Variants in ABCA9 observed in about 807,000 individuals in gnomAD.
ABCA9 encodes ATP-binding cassette sub-family A member 9.
Under a neutral mutation model 205.3 loss-of-function variants are expected in ABCA9, and 183 were observed. That is an observed-to-expected ratio of 0.89 (90% CI 0.79 to 1.01). The LOEUF (loss-of-function observed/expected upper bound fraction) is 1.01. Among genes scored for constraint, ABCA9 ranks in the 50% least tolerant of loss-of-function variants. The probability of loss-of-function intolerance (pLI) is 0.00; values close to 1 mark genes in which losing one functional copy is unlikely to be tolerated. For missense variants in ABCA9, 1,805 were observed against 1,912.4 expected (o/e 0.94, Z 1.05); for synonymous variants, 651 against 683.3 (o/e 0.95, Z 0.74).
intron 32 of ABCA9, 122 bp from the exon 33 acceptor site, chr17:68,985,250 A>G: frequency 8.1e-7 from 1 of 1,231,054 alleles, no homozygotes; most frequent in Non-Finnish European, 1.2e-6. Flanking sequence ...GTGGTCATAA[A>G]ATTTAAACCA....
chr17:69,035,437 A>C lies in ABCA9; in HGVS notation c.943-6T>G, dbSNP rs753835396. 2 of 1,562,566 alleles carry C rather than the reference A, an allele frequency of 1.3e-6. No individual in the cohort carries two copies. Among genetic ancestry groups the C allele is most frequent in the Non-Finnish European group, 1.7e-6 (2 of 1,160,348 alleles). On this transcript the variant is annotated splice_polypyrimidine_tract_variant and splice_region_variant and intron_variant, in intron 7 of 38. Transcript: ENST00000340001. Reference sequence around the variant, plus strand: ...ATCAGGAAAGCTAAAGTTATCTGAGAAAAGAGAAAGACTTCAGCTGGTATA... The same window carrying C: ...ATCAGGAAAGCTAAAGTTATCTGAGCAAAGAGAAAGACTTCAGCTGGTATA...
intron 34 of ABCA9, among the ~76,000 whole-genome samples, chr17:68,984,466 G>T (rs1232782521): frequency 6.6e-6 from 1 of 152,154 alleles, no homozygotes; most frequent in Non-Finnish European, 1.5e-5. Context: ...TTACTAAAAA[G>T]CTTGATAATC....
intron 1 of ABCA9, among the ~76,000 whole-genome samples, chr17:69,058,787 C>T (rs1415557714): frequency 1.3e-5 from 2 of 150,796 alleles, no homozygotes; most frequent in African/African-American, 2.4e-5. Flanking sequence ...TGCAGTGAGC[C>T]GAGATTCCGC....
At chr17:69,024,180 C>A in intron 17 of ABCA9, 34 bp downstream of exon 17, 1 of 1,608,280 alleles carries the variant, frequency 6.2e-7, no homozygotes, top group South Asian at 1.1e-5. Flanking sequence ...TAACACCATT[C>A]CAAAACCATT....
chr17:69,011,679 T>C (rs933404147), intron 23 of ABCA9: 7 of 231,378 alleles, frequency 3.0e-5, no homozygotes, highest in African/African-American at 1.4e-4. Flanking sequence ...CATTGAGAGA[T>C]GAGATGTGAT....
At chr17:69,017,608 A>C in intron 21 of ABCA9, 48 bp downstream of exon 21, 1 of 1,601,702 alleles carries the variant, frequency 6.2e-7, no homozygotes, top group Non-Finnish European at 8.5e-7. Flanking sequence ...CAAATTGTAC[A>C]CCCATAGTCC....
chr17:68,977,015 C>T (rs1463332931), intron 37 of ABCA9, among the ~76,000 whole-genome samples: 2 of 146,338 alleles, frequency 1.4e-5, no homozygotes, highest in Admixed American at 1.4e-4. Context: ...GGACTAGTCC[C>T]TATCTTATAT....
chr17:69,071,813 G>A, the ABCA9 span, among the ~76,000 whole-genome samples: 1 of 152,172 alleles, frequency 6.6e-6, no homozygotes, highest in East Asian at 1.9e-4. Flanking sequence ...AAAGGAGCAT[G>A]TTCTAACCTA....
At chr17:69,073,115 C>T in the ABCA9 span, among the ~76,000 whole-genome samples, 1 of 152,112 alleles carries the variant, frequency 6.6e-6, no homozygotes, top group Non-Finnish European at 1.5e-5. Flanking sequence ...TCTTAGAGAC[C>T]TACAAAGAGA....
rs930921576 is a variant in ABCA9 at position 69,027,678 on chromosome 17, T to C, written c.1753A>G (p.Lys585Glu). The change falls in exon 13 of 39, where the codon AAA (lysine) becomes GAA (glutamate). Residue 585 changes from lysine to glutamate, a missense_variant. Transcript: ENST00000340001. ...TCATGTGGCAAAATCCCTTTTATTT[T>C]AGCAAACAGCCTGAGGTTTTCTTTC... is the stretch of plus-strand genomic sequence containing the variant. ...TVKENLRLFA[K>E]IKGILPHEVE... The C allele has an allele frequency of 6.2e-7, 1 of 1,613,634 alleles. No individual in the cohort carries two copies. Among genetic ancestry groups the C allele is most frequent in the Non-Finnish European group, 8.5e-7 (1 of 1,179,920 alleles).
intron 22 of ABCA9, among the ~76,000 whole-genome samples, chr17:69,014,130 C>A (rs1365184482): frequency 6.6e-6 from 1 of 152,204 alleles, no homozygotes; most frequent in East Asian, 1.9e-4. Context: ...CTACAGTTTC[C>A]TCAGCTGTCT....
intron 12 of ABCA9, 22 bp from the exon 13 acceptor site, chr17:69,027,837 T>G: frequency 6.4e-7 from 1 of 1,553,760 alleles, no homozygotes; most frequent in Non-Finnish European, 8.7e-7. Flanking sequence ...AGGCAGAGAG[T>G]GACCATCAGG....
At position 69,016,357 on chromosome 17, in the gene ABCA9, GT is replaced by G; in HGVS notation, c.2934del (p.Lys978AsnfsTer3). 6 of 1,601,038 alleles carry G rather than the reference GT, an allele frequency of 3.7e-6. No individual in the cohort carries two copies. Among genetic ancestry groups the G allele is most frequent in the Non-Finnish European group, 3.4e-6 (4 of 1,175,434 alleles). ...DHRFSIACNT[K>X]RLNCFPVLLD... is the part of the protein sequence containing the mutation. Reference sequence around the variant, plus strand: ...AGGAGGACAGGAAAGCAATTCAGCCGTTTTGTATTACATGCTATTGAAAATC... The same window carrying G: ...AGGAGGACAGGAAAGCAATTCAGCCGTTTGTATTACATGCTATTGAAAATC... On this transcript the variant is annotated frameshift_variant, in exon 22 of 39. Transcript: ENST00000340001. LOFTEE classifies it high-confidence loss of function.
At chr17:68,994,257 A>C (rs1478511650) in intron 26 of ABCA9, among the ~76,000 whole-genome samples, 1 of 152,174 alleles carries the variant, frequency 6.6e-6, no homozygotes, top group African/African-American at 2.4e-5. Flanking sequence ...CCTCTAACCC[A>C]CCAACTCCTT....
At chr17:69,021,676 T>TCATC (rs2070810867) in intron 18 of ABCA9, 66 bp downstream of exon 18, 19 of 1,037,596 alleles carry the variant, frequency 1.8e-5, no homozygotes, top group African/African-American at 4.2e-5. Flanking sequence ...AATCTTTCTT[T>TCATC]CGTCCTTCCT....
At chr17:69,025,944 G>A (rs898707703) in intron 16 of ABCA9, among the ~76,000 whole-genome samples, 5 of 151,858 alleles carry the variant, frequency 3.3e-5, no homozygotes, top group African/African-American at 1.2e-4. Flanking sequence ...TTAAAAAGTA[G>A]TAGACATTAC....
chr17:68,984,321 A>G (rs1415507180), intron 34 of ABCA9, 146 bp from the exon 35 acceptor site: 1 of 997,786 alleles, frequency 1.0e-6, no homozygotes, highest in Non-Finnish European at 1.5e-6. Context: ...GATGACAGGC[A>G]CGGAAACCAA....
In ABCA9 at chr17:69,016,270, T is replaced by C; in HGVS notation, c.3022A>G (p.Arg1008Gly). Residue 1008 changes from arginine (R) to glycine (G), a missense_variant, in exon 22 of 39, where the codon AGA (arginine) becomes GGA (glycine). By Grantham distance (125) the Arg-to-Gly change is moderately radical. Transcript: ENST00000340001. ...ATACTTACTTCAAAAAATGTGCTTC[T>C]GTCAGTCTGAATGTGTTCTGACGAA... ...FNSSEHIQTD[R>G]STFFEEHMDY... The C allele has an allele frequency of 1.3e-6, 2 of 1,580,854 alleles. No individual in the cohort carries two copies. Among genetic ancestry groups the C allele is most frequent in the East Asian group, 4.7e-5 (2 of 42,750 alleles).
chr17:69,061,308 C>G (rs778265869), upstream of ABCA9, among the ~76,000 whole-genome samples: 1 of 151,498 alleles, frequency 6.6e-6, no homozygotes. Context: ...TAGAGCAGAA[C>G]AAAGTGAAAA....
Sources: gnomAD v4.1 joint callset for allele counts (sites outside exome capture counted in the v4.1 genomes callset) on GRCh38, gnomAD v4.1.1 for gene constraint, MANE v1.5 for transcripts, NCBI Gene and HGNC (gene_info 2026-07-23, HGNC 2026-07-21) for gene names.